The following L3MBTL4 variants were observed in gnomAD, a reference collection of about 807,000 sequenced individuals.
The protein encoded by L3MBTL4 is lethal(3)malignant brain tumor-like protein 4.
In L3MBTL4, 70 loss-of-function variants were observed where a neutral mutation model predicts 84.5. The observed-to-expected ratio is 0.83, with a 90% CI of 0.68 to 1.01. The LOEUF (loss-of-function observed/expected upper bound fraction) is 1.01. Ranked by LOEUF, L3MBTL4 falls within the 50% of genes least tolerant of loss-of-function variation. The probability of loss-of-function intolerance (pLI) is 0.00; values close to 1 mark genes in which losing one functional copy is unlikely to be tolerated. For synonymous variants in L3MBTL4, 274 were observed against 259.8 expected (o/e 1.05, Z -0.52); for missense variants, 715 against 754.8 (o/e 0.95, Z 0.62).
At chr18:6,202,564 G>A (rs959213160) in intron 12 of L3MBTL4, among the ~76,000 whole-genome samples, 3 of 152,074 alleles carry the variant, frequency 2.0e-5, no homozygotes, top group African/African-American at 7.2e-5. Context: ...CTTTTATTAG[G>A]GTGGCAATCA....
intron 12 of L3MBTL4, among the ~76,000 whole-genome samples, chr18:6,179,600 G>A (rs2044376612): frequency 6.6e-6 from 1 of 152,208 alleles, no homozygotes; most frequent in African/African-American, 2.4e-5. Context: ...AAGAGCAAGA[G>A]TGTTGGGTAT....
intron 14 of L3MBTL4, among the ~76,000 whole-genome samples, chr18:6,117,797 A>G (rs2059402071): frequency 6.6e-6 from 1 of 152,248 alleles, no homozygotes; most frequent in African/African-American, 2.4e-5. Flanking sequence ...TAAAACTGCA[A>G]TGTCATTGTT....
At chr18:6,168,397 T>C (rs1393140923) in intron 13 of L3MBTL4, among the ~76,000 whole-genome samples, 5 of 151,954 alleles carry the variant, frequency 3.3e-5, no homozygotes, top group Admixed American at 2.6e-4. Context: ...AGAACAAAGC[T>C]GGAGGCATCA....
At chr18:6,017,614 T>A (rs1213386460) in intron 16 of L3MBTL4, 1 of 152,182 alleles carries the variant, frequency 6.6e-6, no homozygotes, top group East Asian at 1.9e-4. Context: ...GACTCTTGGG[T>A]AACAGCCCAT....
chr18:6,223,321 G>A (rs1003180443), intron 10 of L3MBTL4, among the ~76,000 whole-genome samples: 3 of 152,020 alleles, frequency 2.0e-5, no homozygotes, highest in Non-Finnish European at 4.4e-5. Context: ...TATCAATAAA[G>A]GCATTTTTAA....
chr18:6,141,961 C>G (rs1373581348), intron 13 of L3MBTL4, among the ~76,000 whole-genome samples: 1 of 152,170 alleles, frequency 6.6e-6, no homozygotes, highest in African/African-American at 2.4e-5. Flanking sequence ...TCCATGCTGG[C>G]CTTCTCCTAT....
intron 1 of L3MBTL4, among the ~76,000 whole-genome samples, chr18:6,370,507 C>G (rs1458809865): frequency 2.0e-5 from 3 of 152,308 alleles, no homozygotes; most frequent in East Asian, 1.9e-4. Flanking sequence ...CCACGCCTCC[C>G]GTTCAGCACA....
chr18:6,181,071 G>C (rs185154965), intron 12 of L3MBTL4, among the ~76,000 whole-genome samples: 1 of 144,464 alleles, frequency 6.9e-6, no homozygotes, highest in East Asian at 1.9e-4. Flanking sequence ...ACCAAAAGTA[G>C]ATTAGAGGTT....
chr18:6,092,121 T>C (rs549205036), intron 15 of L3MBTL4, among the ~76,000 whole-genome samples: 4 of 152,304 alleles, frequency 2.6e-5, no homozygotes, highest in Admixed American at 2.0e-4. Context: ...AGCATGTGTA[T>C]CCATAGGAAA....
intron 1 of L3MBTL4, among the ~76,000 whole-genome samples, chr18:6,384,838 G>A (rs1368013955): frequency 6.6e-6 from 1 of 152,186 alleles, no homozygotes; most frequent in African/African-American, 2.4e-5. Context: ...TGTGCAGTCT[G>A]TGGAGAGGCT....
chr18:6,389,941 C>A (rs1244160697), intron 1 of L3MBTL4, among the ~76,000 whole-genome samples: 1 of 152,128 alleles, frequency 6.6e-6, no homozygotes, highest in Non-Finnish European at 1.5e-5. Context: ...CACACTAGAA[C>A]AAATGGACTT....
At chr18:6,283,577 C>T (rs2049420096) in intron 4 of L3MBTL4, among the ~76,000 whole-genome samples, 1 of 151,686 alleles carries the variant, frequency 6.6e-6, no homozygotes. Flanking sequence ...GCATCTACAC[C>T]AAAAAGAGCC....
At chr18:6,322,461 G>GGAAT (rs1325114074) in intron 1 of L3MBTL4, among the ~76,000 whole-genome samples, 1 of 107,798 alleles carries the variant, frequency 9.3e-6, no homozygotes, top group Non-Finnish European at 1.9e-5. Flanking sequence ...AAGGATGGAA[G>GGAAT]GAAGGAAGGA....
At chr18:6,171,392 T>A (rs1436524374) in intron 13 of L3MBTL4, among the ~76,000 whole-genome samples, 2 of 152,232 alleles carry the variant, frequency 1.3e-5, no homozygotes, top group East Asian at 1.9e-4. Flanking sequence ...TAGAGGATTT[T>A]AAATTTTTTT....
chr18:6,209,445 CAAAAA>C (rs60613997), intron 12 of L3MBTL4, among the ~76,000 whole-genome samples: 1 of 113,996 alleles, frequency 8.8e-6, no homozygotes, highest in Non-Finnish European at 2.0e-5. Context: ...ACTAAACTGG[CAAAAA>C]AAAAAAAAAA....
chr18:6,152,668 GT>G (rs1300664424), intron 13 of L3MBTL4, among the ~76,000 whole-genome samples: 3 of 152,080 alleles, frequency 2.0e-5, no homozygotes, highest in Non-Finnish European at 4.4e-5. Context: ...CAGATGTCGG[GT>G]TTGTATCTAT....
intron 17 of L3MBTL4, 23 bp from the exon 18 acceptor site, chr18:5,960,179 T>G: frequency 6.7e-7 from 1 of 1,501,680 alleles, no homozygotes; most frequent in Non-Finnish European, 9.1e-7. Context: ...ATGAAAAGCC[T>G]AATTTAATAC....
chr18:6,368,390 T>G (rs767349156), intron 1 of L3MBTL4, among the ~76,000 whole-genome samples: 23 of 152,190 alleles, frequency 1.5e-4, no homozygotes, highest in Non-Finnish European at 2.6e-4. Flanking sequence ...GTGAACTAAC[T>G]TGACTACCCA....
chr18:6,180,894 C>T (rs2044439367), intron 12 of L3MBTL4, among the ~76,000 whole-genome samples: 1 of 152,188 alleles, frequency 6.6e-6, no homozygotes, highest in South Asian at 2.1e-4. Context: ...TGTCCGTCAA[C>T]TGATGAATGG....
Sources: gnomAD v4.1 joint callset for allele counts (sites outside exome capture counted in the v4.1 genomes callset) on GRCh38, gnomAD v4.1.1 for gene constraint, MANE v1.5 for transcripts, NCBI Gene and HGNC (gene_info 2026-07-23, HGNC 2026-07-21) for gene names.